Variants in KCNH5 observed in about 807,000 individuals in gnomAD.
The protein encoded by KCNH5 is potassium voltage-gated channel subfamily H member 5.
A neutral mutation model predicts 96.1 loss-of-function variants in KCNH5; 46 were observed. That is an observed-to-expected ratio of 0.48 (90% confidence interval 0.38 to 0.61). The LOEUF (loss-of-function observed/expected upper bound fraction) is 0.61, where lower values mean the gene tolerates loss of function less well. KCNH5 is among the 20% of genes least tolerant of loss of function. The pLI is 0.00. For synonymous variants in KCNH5, 439 were observed against 449.8 expected, an observed-to-expected ratio of 0.98 and a Z score of 0.30; for missense variants, 907 against 1,225.8, an observed-to-expected ratio of 0.74 and a Z score of 3.88.
intron 7 of KCNH5, among the ~76,000 whole-genome samples, chr14:62,853,494 A>ATATGATATATATATATATATATATATG (rs375695583): frequency 6.9e-5 from 7 of 102,120 alleles, no homozygotes; most frequent in African/African-American, 2.4e-4. Context: ...ATATATATAT[A>ATATGATATATATATATATATATATATG]ATCTTGGCCA....
At chr14:63,044,993 A>C (rs1891895599) in intron 1 of KCNH5, 121 bp downstream of exon 1, 1 of 798,574 alleles carries the variant, frequency 1.3e-6, no homozygotes, top group Non-Finnish European at 2.1e-6. Flanking sequence ...GGTAAATGAA[A>C]CCACCAGGTA....
chr14:62,940,328 A>G (rs77452949), intron 7 of KCNH5, among the ~76,000 whole-genome samples: 1 of 133,842 alleles, frequency 7.5e-6, no homozygotes, highest in Non-Finnish European at 1.6e-5. Flanking sequence ...CCATTTACAG[A>G]AAAAAAAAAA....
chr14:62,919,332 T>C (rs183359415), intron 7 of KCNH5, among the ~76,000 whole-genome samples: 2 of 152,302 alleles, frequency 1.3e-5, no homozygotes, highest in Admixed American at 6.5e-5. Flanking sequence ...ACAAATATAC[T>C]ACTTCCCTAG....
chr14:62,758,143 C>CAAA (rs57935686), intron 10 of KCNH5, among the ~76,000 whole-genome samples: 1 of 104,128 alleles, frequency 9.6e-6, no homozygotes. Context: ...GACTCCATCT[C>CAAA]AAAAAAAAAA....
rs759714263 is a variant in KCNH5, at chr14:62,987,145, C to G, written c.476G>C (p.Ser159Thr). 1 of 1,613,578 alleles carries G rather than the reference C, an allele frequency of 6.2e-7. No individual in the cohort carries two copies. Among genetic ancestry groups the G allele is most frequent in the Non-Finnish European group, 8.5e-7 (1 of 1,179,606 alleles). ...FARLTRALTN[S>T]RSVLQQLTPM... ...CGTGAGCTGCTGCAAAACACTTCGGCTATTTGTCAAAGCCCGTGTCAATCG... is the reference window on the plus strand; with the variant it reads ...CGTGAGCTGCTGCAAAACACTTCGGGTATTTGTCAAAGCCCGTGTCAATCG... Residue 159 changes from serine to threonine, a missense_variant, in exon 5 of 11, where the codon AGC becomes ACC. This residue lies in a region of KCNH5 where 370 missense variants were observed against 561.3 expected (regional missense o/e 0.66). Transcript: ENST00000322893.
intron 10 of KCNH5, among the ~76,000 whole-genome samples, chr14:62,741,218 T>C (rs1324978615): frequency 1.3e-5 from 2 of 152,156 alleles, no homozygotes; most frequent in Non-Finnish European, 2.9e-5. Context: ...GTTTGATGTT[T>C]CTAATGAAGG....
At chr14:62,927,414 G>A (rs1595687828) in intron 7 of KCNH5, among the ~76,000 whole-genome samples, 4 of 152,180 alleles carry the variant, frequency 2.6e-5, no homozygotes, top group Middle Eastern at 3.4e-3. Context: ...TGAAAGCAAG[G>A]TCTCAAGGAG....
At chr14:62,820,777 T>C (rs1465828523) in intron 8 of KCNH5, among the ~76,000 whole-genome samples, 1 of 152,218 alleles carries the variant, frequency 6.6e-6, no homozygotes, top group Non-Finnish European at 1.5e-5. Flanking sequence ...TCTTTGCTAT[T>C]GTGAATAGTG....
At chr14:62,856,655 A>G (rs998528441) in intron 7 of KCNH5, among the ~76,000 whole-genome samples, 1 of 152,134 alleles carries the variant, frequency 6.6e-6, no homozygotes, top group Non-Finnish European at 1.5e-5. Context: ...AGAAACTTCC[A>G]GTTTCCAAGT....
chr14:62,733,555 T>C (rs1400179105), intron 10 of KCNH5, among the ~76,000 whole-genome samples: 6 of 151,024 alleles, frequency 4.0e-5, no homozygotes, highest in African/African-American at 1.5e-4. Flanking sequence ...CGAAGACATA[T>C]AGGTACTACT....
chr14:62,969,633 C>T (rs1950976), intron 6 of KCNH5, among the ~76,000 whole-genome samples: 47,970 of 151,784 alleles, frequency 0.32, 7,913 homozygotes, highest in Non-Finnish European at 0.35. Flanking sequence ...GAACAGTTAA[C>T]GCATGCAGGG....
At chr14:62,995,679 G>C (rs1890893359) in intron 4 of KCNH5, among the ~76,000 whole-genome samples, 4 of 152,004 alleles carry the variant, frequency 2.6e-5, no homozygotes, top group Admixed American at 2.6e-4. Context: ...CACTCTCTTA[G>C]ATAACTAGTT....
chr14:62,890,195 C>CA (rs1183617126), intron 7 of KCNH5, among the ~76,000 whole-genome samples: 1 of 152,112 alleles, frequency 6.6e-6, no homozygotes, highest in African/African-American at 2.4e-5. Flanking sequence ...ACAAAGACAC[C>CA]AAAAGCAATC....
chr14:62,887,926 C>T (rs1415753044), intron 7 of KCNH5, among the ~76,000 whole-genome samples: 1 of 152,140 alleles, frequency 6.6e-6, no homozygotes, highest in Admixed American at 6.5e-5. Context: ...TGCTAGGGTC[C>T]AGTTCTTACT....
At chr14:62,873,107 G>A (rs976109559) in intron 7 of KCNH5, among the ~76,000 whole-genome samples, 4 of 149,684 alleles carry the variant, frequency 2.7e-5, no homozygotes, top group South Asian at 2.1e-4. Context: ...CCAAGATCGC[G>A]CCACTGCACT....
At chr14:62,795,584 G>GA (rs1284655879) in intron 9 of KCNH5, among the ~76,000 whole-genome samples, 4 of 152,188 alleles carry the variant, frequency 2.6e-5, no homozygotes, top group African/African-American at 9.7e-5. Context: ...AGCATCCTCA[G>GA]AGTAGGGTCT....
rs753750382 is a variant in KCNH5 at position 62,987,180 on chromosome 14, C to A, written c.441G>T (p.Thr147=). 24 of 1,612,172 alleles carry A rather than the reference C, an allele frequency of 1.5e-5. No individual in the cohort carries two copies. The highest frequency in any genetic ancestry group is 1.9e-5 in the Non-Finnish European group (22 of 1,178,552). The change falls in exon 5 of 11, where the codon ACG becomes ACT. Residue 147 remains threonine (T), a synonymous_variant. Coordinates refer to ENST00000322893, the MANE Select transcript of KCNH5 (RefSeq NM_139318.5). ...PIEDDSTKGW[T]KFARLTRALT... is the part of the protein sequence containing the mutation. ...AAGCCCGTGTCAATCGGGCAAATTT[C>A]GTCCAACCTTAAAAATAAGGAAAGA... is the stretch of plus-strand genomic sequence containing the variant.
At chr14:62,780,001 ATACAG>A in intron 9 of KCNH5, 77 bp from the exon 10 acceptor site, 3 of 1,248,408 alleles carry the variant, frequency 2.4e-6, no homozygotes, top group South Asian at 3.1e-5. Context: ...TCAGTTTCAT[ATACAG>A]TATTGACCTT....
At chr14:62,768,505 G>A (rs1339496834) in intron 10 of KCNH5, among the ~76,000 whole-genome samples, 1 of 152,130 alleles carries the variant, frequency 6.6e-6, no homozygotes, top group African/African-American at 2.4e-5. Flanking sequence ...CTAGCGTCCA[G>A]CTAAGATGCC....
Sources: gnomAD v4.1 joint callset for allele counts (sites outside exome capture counted in the v4.1 genomes callset) on GRCh38, gnomAD v4.1.1 for gene constraint, gnomAD v4.1.1 regional missense constraint, MANE v1.5 for transcripts, NCBI Gene and HGNC (gene_info 2026-07-23, HGNC 2026-07-21) for gene names.